PDE1C: variants seen among roughly 807,000 people sequenced by gnomAD.
PDE1C encodes the protein dual specificity calcium/calmodulin-dependent 3',5'-cyclic nucleotide phosphodiesterase 1C.
In PDE1C, 62 loss-of-function variants were observed where a neutral mutation model predicts 93.1. That is an observed-to-expected ratio of 0.67 (90% CI 0.54 to 0.82). PDE1C has a LOEUF of 0.82. Ranked by LOEUF, PDE1C falls within the 40% of genes least tolerant of loss-of-function variation. The pLI is 0.00. For synonymous variants in PDE1C, 325 were observed against 310.1 expected (o/e 1.05, Z -0.50); for missense variants, 742 against 884.6 (o/e 0.84, Z 2.04).
chr7:32,164,259 T>C (rs1229167938), intron 3 of PDE1C, among the ~76,000 whole-genome samples: 1 of 151,998 alleles, frequency 6.6e-6, no homozygotes, highest in African/African-American at 2.4e-5. Context: ...ATGGCTTCTA[T>C]CCAAAAAGGG....
intron 2 of PDE1C, among the ~76,000 whole-genome samples, chr7:31,946,697 G>A (rs10281496): frequency 0.098 from 14,916 of 152,134 alleles, 949 homozygotes; most frequent in Admixed American, 0.21. Flanking sequence ...CCCAGAGCTC[G>A]GAGCCTTCAC....
chr7:31,650,974 T>G, the PDE1C span, among the ~76,000 whole-genome samples: 1 of 152,274 alleles, frequency 6.6e-6, no homozygotes, highest in South Asian at 2.1e-4. Context: ...TCACTAGTTG[T>G]TTTGTGAACC....
At chr7:32,010,609 G>C (rs1786944819) in intron 2 of PDE1C, among the ~76,000 whole-genome samples, 2 of 152,184 alleles carry the variant, frequency 1.3e-5, no homozygotes, top group South Asian at 4.1e-4. Context: ...CCATAGAAAA[G>C]TATCACAAAC....
intron 3 of PDE1C, among the ~76,000 whole-genome samples, chr7:32,108,108 T>C (rs532429288): frequency 3.3e-5 from 5 of 150,318 alleles, no homozygotes; most frequent in South Asian, 2.1e-4. Flanking sequence ...GGGAGACTTA[T>C]AGAAAAGAGT....
intron 1 of PDE1C, among the ~76,000 whole-genome samples, chr7:32,322,694 G>A (rs1783322161): frequency 6.7e-6 from 1 of 150,158 alleles, no homozygotes; most frequent in African/African-American, 2.5e-5. Context: ...TTGGCTCACT[G>A]CAACCTCCGC....
chr7:31,746,571 T>C (rs1794011186), downstream of PDE1C, among the ~76,000 whole-genome samples: 1 of 152,188 alleles, frequency 6.6e-6, no homozygotes. Context: ...AGTTTGGATA[T>C]CTATCCAAAA....
chr7:32,085,122 A>G (rs372119787), intron 3 of PDE1C, among the ~76,000 whole-genome samples: 1 of 151,062 alleles, frequency 6.6e-6, no homozygotes, highest in African/African-American at 2.4e-5. Flanking sequence ...TAATAAAGAA[A>G]AAAAGAGAGA....
chr7:31,705,086 G>A, the PDE1C span, among the ~76,000 whole-genome samples: 1 of 152,120 alleles, frequency 6.6e-6, no homozygotes, highest in Non-Finnish European at 1.5e-5. Context: ...TAAAATGCTG[G>A]TTCACCCTCT....
At chr7:31,669,039 A>C in the PDE1C span, among the ~76,000 whole-genome samples, 5 of 152,088 alleles carry the variant, frequency 3.3e-5, no homozygotes, top group African/African-American at 1.2e-4. Context: ...CTGTTAAGGC[A>C]TGGCCGGGAG....
chr7:32,200,830 T>C (rs1333420787), intron 2 of PDE1C, among the ~76,000 whole-genome samples: 2 of 152,188 alleles, frequency 1.3e-5, no homozygotes, highest in African/African-American at 4.8e-5. Context: ...AGTGGGAGGC[T>C]TGTCAGCATC....
chr7:31,915,922 T>C (rs908154702), intron 2 of PDE1C, among the ~76,000 whole-genome samples: 21 of 152,088 alleles, frequency 1.4e-4, no homozygotes, highest in Admixed American at 3.9e-4. Flanking sequence ...CAGAAGTATA[T>C]TGGGGGACAA....
the PDE1C span, among the ~76,000 whole-genome samples, chr7:31,714,264 C>G: frequency 5.5e-4 from 84 of 152,330 alleles, 2 homozygotes; most frequent in East Asian, 0.015. Flanking sequence ...TGCTACCAGT[C>G]TCTTTGCTAA....
intron 3 of PDE1C, among the ~76,000 whole-genome samples, chr7:32,131,697 T>G (rs946755935): frequency 6.6e-6 from 1 of 152,200 alleles, no homozygotes; most frequent in South Asian, 2.1e-4. Context: ...GCCATTGTCC[T>G]AGTTCAGCTT....
the PDE1C span, among the ~76,000 whole-genome samples, chr7:31,723,059 G>A: frequency 3.3e-5 from 5 of 152,010 alleles, no homozygotes; most frequent in Non-Finnish European, 7.4e-5. Context: ...ACTCATCTGT[G>A]GAATTCTTCA....
intron 1 of PDE1C, among the ~76,000 whole-genome samples, chr7:32,403,713 C>G (rs1356652676): frequency 1.3e-5 from 2 of 152,104 alleles, no homozygotes. Context: ...ACGTCTTATA[C>G]CCCCACGCTT....
intron 3 of PDE1C, among the ~76,000 whole-genome samples, chr7:32,113,622 A>T (rs1172986458): frequency 6.6e-6 from 1 of 151,942 alleles, no homozygotes; most frequent in Non-Finnish European, 1.5e-5. Context: ...CTTGGTCATG[A>T]TATAGCTACA....
At chr7:32,344,750 T>G (rs7798047) in intron 1 of PDE1C, among the ~76,000 whole-genome samples, 6,551 of 152,132 alleles carry the variant, frequency 0.043, 274 homozygotes, top group African/African-American at 0.1. Context: ...CCTTTTTATG[T>G]ATTGTCTGTC....
chr7:32,061,701 G>A (rs1794828272), intron 1 of PDE1C, among the ~76,000 whole-genome samples: 1 of 152,204 alleles, frequency 6.6e-6, no homozygotes, highest in Non-Finnish European at 1.5e-5. Context: ...GACCATACTG[G>A]TTTCTGTCTC....
chr7:31,960,250 G>A (rs879355989), intron 2 of PDE1C, among the ~76,000 whole-genome samples: 1 of 152,164 alleles, frequency 6.6e-6, no homozygotes, highest in Non-Finnish European at 1.5e-5. Flanking sequence ...AGTGATCAAA[G>A]TGAAAAGCCC....
Sources: allele counts gnomAD v4.1 joint callset (sites outside exome capture counted in the v4.1 genomes callset), GRCh38; gene constraint gnomAD v4.1.1; transcripts MANE v1.5; gene names NCBI Gene and HGNC (gene_info 2026-07-23, HGNC 2026-07-21).